Variants in C12orf42 observed in about 807,000 individuals in gnomAD.
C12orf42 encodes chromosome 12 open reading frame 42.
A neutral mutation model predicts 21.6 loss-of-function variants in C12orf42; 25 were observed. The ratio of observed to expected loss-of-function variants is 1.16; its 90% CI spans 0.84 to 1.62. C12orf42 has a LOEUF of 1.62. Ranked by LOEUF, C12orf42 falls within the 40% of genes most tolerant of loss-of-function variation. The pLI, the probability that C12orf42 is intolerant of heterozygous loss-of-function variation, is 0.00. For missense variants in C12orf42, 483 were observed against 459.3 expected, an observed-to-expected ratio of 1.05 and a Z score of -0.47; for synonymous variants, 174 against 175.0, an observed-to-expected ratio of 0.99 and a Z score of 0.05.
At chr12:103,110,981 G>C in the C12orf42 span, among the ~76,000 whole-genome samples, 9 of 152,280 alleles carry the variant, frequency 5.9e-5, no homozygotes, top group African/African-American at 9.6e-5. Flanking sequence ...ATGACTGAAA[G>C]GGCCAGACAG....
intron 4 of C12orf42, among the ~76,000 whole-genome samples, chr12:103,325,901 G>C (rs141349951): frequency 1.4e-3 from 218 of 152,264 alleles, no homozygotes; most frequent in African/African-American, 4.5e-3. Context: ...TTAAAGCATG[G>C]AGAATGAGCA....
At chr12:103,503,878 T>G in the C12orf42 span, 1 of 154,490 alleles carries the variant, frequency 6.5e-6, no homozygotes, top group Non-Finnish European at 1.5e-5. Context: ...GTGTGGCCTA[T>G]GCACTTCTGG....
intron 2 of C12orf42, among the ~76,000 whole-genome samples, chr12:103,471,549 T>C (rs923630880): frequency 1.3e-5 from 2 of 152,218 alleles, no homozygotes; most frequent in Admixed American, 1.3e-4. Flanking sequence ...TAAGTCATAT[T>C]AACATATTTT....
chr12:103,119,633 GAGA>G, the C12orf42 span, among the ~76,000 whole-genome samples: 3 of 152,154 alleles, frequency 2.0e-5, no homozygotes, highest in Admixed American at 1.3e-4. Flanking sequence ...GCCCCATGAG[GAGA>G]AGGACTATAT....
At chr12:103,290,453 C>A (rs1302244113) in intron 4 of C12orf42, among the ~76,000 whole-genome samples, 2 of 152,152 alleles carry the variant, frequency 1.3e-5, no homozygotes, top group South Asian at 2.1e-4. Context: ...AATGGGTCAA[C>A]AGGCAATTGT....
chr12:103,474,581 G>A (rs1473043388), intron 2 of C12orf42, among the ~76,000 whole-genome samples: 3 of 152,016 alleles, frequency 2.0e-5, no homozygotes, highest in Non-Finnish European at 2.9e-5. Flanking sequence ...AAAGAACCAT[G>A]ATAAGTTTGT....
At chr12:103,056,164 G>A in the C12orf42 span, among the ~76,000 whole-genome samples, 1 of 152,036 alleles carries the variant, frequency 6.6e-6, no homozygotes, top group Non-Finnish European at 1.5e-5. Context: ...TTGTGGATTG[G>A]TATATTTTTC....
At chr12:103,086,121 G>T in the C12orf42 span, among the ~76,000 whole-genome samples, 6 of 151,990 alleles carry the variant, frequency 3.9e-5, no homozygotes, top group Non-Finnish European at 8.8e-5. Context: ...TTGCTTTTTA[G>T]AATGTAGTTT....
At chr12:103,484,863 GTTTTTTT>G (rs56025837) in intron 1 of C12orf42, among the ~76,000 whole-genome samples, 3 of 71,690 alleles carry the variant, frequency 4.2e-5, no homozygotes, top group African/African-American at 1.5e-4. Flanking sequence ...TCTGGTTTCA[GTTTTTTT>G]TTTTTTTTTT....
At chr12:103,109,296 T>C in the C12orf42 span, among the ~76,000 whole-genome samples, 4 of 151,912 alleles carry the variant, frequency 2.6e-5, no homozygotes, top group Admixed American at 6.6e-5. Context: ...CATTTACACA[T>C]ATAGGAGAGA....
At chr12:103,434,917 C>T (rs916261851) in intron 2 of C12orf42, among the ~76,000 whole-genome samples, 11 of 152,364 alleles carry the variant, frequency 7.2e-5, no homozygotes, top group African/African-American at 2.2e-4. Flanking sequence ...AGGAGGCCTG[C>T]CTGCCTCTGC....
chr12:103,465,462 T>G (rs1953047063), intron 2 of C12orf42, among the ~76,000 whole-genome samples: 2 of 152,216 alleles, frequency 1.3e-5, no homozygotes. Flanking sequence ...ATCCTGAGAC[T>G]TTGCTGAAGT....
chr12:103,171,805 TA>T, the C12orf42 span, among the ~76,000 whole-genome samples: 1 of 152,018 alleles, frequency 6.6e-6, no homozygotes, highest in Admixed American at 6.6e-5. Flanking sequence ...CTCTTCTCTA[TA>T]TTGGTATTAT....
At chr12:103,057,180 CT>C in the C12orf42 span, among the ~76,000 whole-genome samples, 20,261 of 138,270 alleles carry the variant, frequency 0.15, 1,713 homozygotes, top group East Asian at 0.49. Flanking sequence ...AACAGCACAT[CT>C]TTTTTTTTTT....
chr12:103,138,628 C>G, the C12orf42 span, among the ~76,000 whole-genome samples: 1 of 152,120 alleles, frequency 6.6e-6, no homozygotes, highest in African/African-American at 2.4e-5. Flanking sequence ...GGTAGAAAAC[C>G]AGTCAGAAAC....
At chr12:103,294,211 G>C (rs1005322633) in intron 4 of C12orf42, among the ~76,000 whole-genome samples, 2 of 151,956 alleles carry the variant, frequency 1.3e-5, no homozygotes, top group Admixed American at 1.3e-4. Context: ...GAGTACCTAG[G>C]ATGGTAAGGA....
At chr12:103,529,647 G>A in the C12orf42 span, among the ~76,000 whole-genome samples, 1 of 152,184 alleles carries the variant, frequency 6.6e-6, no homozygotes, top group Admixed American at 6.5e-5. Flanking sequence ...GGGTCTCTCT[G>A]GAGTGTGTTA....
the C12orf42 span, among the ~76,000 whole-genome samples, chr12:103,069,175 C>T: frequency 1.3e-5 from 2 of 151,098 alleles, no homozygotes; most frequent in South Asian, 4.2e-4. Context: ...GAATTTTTAA[C>T]CTCAATTGCT....
the C12orf42 span, among the ~76,000 whole-genome samples, chr12:103,149,208 T>C: frequency 5.3e-5 from 8 of 152,308 alleles, no homozygotes; most frequent in South Asian, 1.4e-3. Flanking sequence ...TCAGAATTAG[T>C]TCTCTGTAAG....
Sources: gnomAD v4.1 joint callset for allele counts (sites outside exome capture counted in the v4.1 genomes callset) on GRCh38, gnomAD v4.1.1 for gene constraint, MANE v1.5 for transcripts, NCBI Gene and HGNC (gene_info 2026-07-23, HGNC 2026-07-21) for gene names.